MYO7B: variants seen among roughly 807,000 people sequenced by gnomAD.
MYO7B encodes the protein myosin VIIB.
A neutral mutation model predicts 259.7 loss-of-function variants in MYO7B; 212 were observed. The ratio of observed to expected loss-of-function variants is 0.82; its 90% CI spans 0.73 to 0.91. The LOEUF (loss-of-function observed/expected upper bound fraction) is 0.91, where lower values mean the gene tolerates loss of function less well. MYO7B is among the 40% of genes least tolerant of loss of function. The pLI, the probability that MYO7B is intolerant of heterozygous loss-of-function variation, is 0.00. For synonymous variants in MYO7B, 1,197 were observed against 1,166.4 expected, an observed-to-expected ratio of 1.03 and a Z score of -0.54; for missense variants, 2,732 against 2,813.5, an observed-to-expected ratio of 0.97 and a Z score of 0.66.
intron 2 of MYO7B, among the ~76,000 whole-genome samples, chr2:127,563,287 G>T (rs1250346656): frequency 6.6e-6 from 1 of 152,186 alleles, no homozygotes; most frequent in African/African-American, 2.4e-5. Context: ...TCCGAACACA[G>T]AACTGTGCTG....
At chr2:127,617,786 G>A (rs565398108) in intron 26 of MYO7B, among the ~76,000 whole-genome samples, 2 of 151,076 alleles carry the variant, frequency 1.3e-5, no homozygotes, top group South Asian at 2.1e-4. Context: ...ACAGGCGTGA[G>A]CCACCGCGCC....
In MYO7B at chr2:127,624,075, C is replaced by T; in HGVS notation, c.3820-18C>T. 2.6e-6 allele frequency: 4 copies of T among 1,544,892 alleles called. No individual in the cohort carries two copies. The Admixed American group carries it at 5.8e-5, about 23-fold the overall frequency. ...CATGCAACAGCCGCTAACCCCTGCT[C>T]CCCGACTCTGGCCTCAGTTCTGGTC... On this transcript the variant is annotated intron_variant, in intron 29 of 47. Coordinates refer to ENST00000409816, the MANE Select transcript of MYO7B (RefSeq NM_001393586.1).
intron 1 of MYO7B, among the ~76,000 whole-genome samples, chr2:127,536,070 G>A (rs1475679224): frequency 6.6e-6 from 1 of 152,150 alleles, no homozygotes; most frequent in African/African-American, 2.4e-5. Context: ...AAGCTGTCTA[G>A]CCCTCTGCTG....
At chr2:127,612,741 C>T in intron 26 of MYO7B, 138 bp downstream of exon 26, 3 of 1,328,280 alleles carry the variant, frequency 2.3e-6, no homozygotes, top group Non-Finnish European at 3.0e-6. Flanking sequence ...CTCAGGACAG[C>T]AGATGTCATA....
At chr2:127,591,804 C>T (rs1448855850) in intron 16 of MYO7B, among the ~76,000 whole-genome samples, 1 of 152,118 alleles carries the variant, frequency 6.6e-6, no homozygotes, top group African/African-American at 2.4e-5. Flanking sequence ...CCTGCTGAAG[C>T]CTGACACCCC....
In MYO7B at chr2:127,615,004, G is replaced by A. The variant is rs1680516814; in HGVS notation, c.3398+2401G>A. Reference sequence around the variant, plus strand: ...TTGCTCATTACCCACTCTGGGTCAGGCCCCAGCCTGAGGGCCAGGGACAGA... The same window carrying A: ...TTGCTCATTACCCACTCTGGGTCAGACCCCAGCCTGAGGGCCAGGGACAGA... On this transcript the variant is annotated intron_variant, in intron 26 of 47. Coordinates refer to ENST00000409816, the MANE Select transcript of MYO7B (RefSeq NM_001393586.1). This position sits in a 1 kb window ranked among gnomAD's most constrained non-coding sequence, Gnocchi z 4.4. Among the ~76,000 whole-genome samples the A allele has an allele frequency of 6.6e-6, 1 of 152,174 alleles. No individual in the cohort carries two copies. Among genetic ancestry groups the A allele is most frequent in the East Asian group, 1.9e-4 (1 of 5,184 alleles).
Position 127,566,784 on chromosome 2 carries a change from T to G in MYO7B, c.427T>G (p.Phe143Val), listed in dbSNP as rs373302024. 8.1e-5 allele frequency: 131 copies of G among 1,612,242 alleles called. No individual in the cohort carries two copies. Among genetic ancestry groups the G allele is most frequent in the Non-Finnish European group, 1.5e-5 (18 of 1,179,854 alleles). The change falls in exon 5 of 48, where the codon TTC becomes GTC. Residue 143 changes from phenylalanine (F) to valine (V), a missense_variant. Phe to Val is a conservative substitution (Grantham distance 50, BLOSUM62 -1). Around this residue, in one of 3 missense-constraint regions of MYO7B, gnomAD observed 1,906 missense variants for 2,026.4 expected, o/e 0.94. Transcript: ENST00000409816. Reference protein sequence around the residue: ...HVFAIANNCYFSMKRNKRDQC... With the variant: ...HVFAIANNCYVSMKRNKRDQC... ...CTTTGCCATCGCCAACAACTGCTAC[T>G]TCAGCATGAAGAGGAACAAGAGGGA... is the stretch of plus-strand genomic sequence containing the variant.
intron 12 of MYO7B, 120 bp downstream of exon 12, chr2:127,582,566 C>A: frequency 8.3e-7 from 1 of 1,209,746 alleles, no homozygotes; most frequent in Non-Finnish European, 1.2e-6. Flanking sequence ...GCGAGTCCCA[C>A]CAGATCCGTG....
At position 127,624,862 on chromosome 2, in the gene MYO7B, G is replaced by A. The variant is rs113586926; in HGVS notation, c.4048-506G>A. 6.5e-3 allele frequency among the ~76,000 whole-genome samples: 986 copies of A among 152,322 alleles called. 13 individuals carry two copies. The highest frequency in any genetic ancestry group is 0.022 in the African/African-American group (894 of 41,578). ...CACAACCCTCCCTGTGCCAAGTCAG[G>A]CAGATGCTGTTCCGGGACCCATTGG... On this transcript the variant is annotated intron_variant, in intron 30 of 47. Coordinates refer to ENST00000409816, the MANE Select transcript of MYO7B (RefSeq NM_001393586.1).
Position 127,544,248 on chromosome 2 carries a change from T to G in MYO7B, c.-24+8417T>G, listed in dbSNP as rs1023546423. 8.2e-4 allele frequency among the ~76,000 whole-genome samples: 125 copies of G among 152,144 alleles called. 1 individual carries two copies. The highest frequency in any genetic ancestry group is 3.4e-3 in the Middle Eastern group (1 of 294). On this transcript the variant is annotated intron_variant, in intron 1 of 47. Coordinates refer to ENST00000409816, the MANE Select transcript of MYO7B (RefSeq NM_001393586.1). ...CTCACCACCATGTCCAACTAATATCTCCTATATTTTTAAATAAAAATAACA... is the reference window on the plus strand; with the variant it reads ...CTCACCACCATGTCCAACTAATATCGCCTATATTTTTAAATAAAAATAACA...
chr2:127,568,240 C>T (rs559232031), intron 5 of MYO7B, among the ~76,000 whole-genome samples: 35 of 152,292 alleles, frequency 2.3e-4, no homozygotes, highest in African/African-American at 8.4e-4. Flanking sequence ...AGAGCTGGGC[C>T]GCAGGCTGGC....
At chr2:127,593,072 C>T (rs1679630488) in intron 17 of MYO7B, 126 bp downstream of exon 17, 2 of 1,225,380 alleles carry the variant, frequency 1.6e-6, no homozygotes, top group East Asian at 2.6e-5. Context: ...TGCGATGAGC[C>T]CTGTCCTTCC....
At chr2:127,573,402 A>G (rs1678728917) in intron 6 of MYO7B, among the ~76,000 whole-genome samples, 1 of 152,214 alleles carries the variant, frequency 6.6e-6, no homozygotes, top group Non-Finnish European at 1.5e-5. Flanking sequence ...CAGCTTTACA[A>G]AAAAGACTGA....
chr2:127,636,779 C>A lies in MYO7B; in HGVS notation c.6208-15C>A. 1 of 1,612,728 alleles carries A rather than the reference C, an allele frequency of 6.2e-7. No individual in the cohort carries two copies. Among genetic ancestry groups the A allele is most frequent in the Non-Finnish European group, 8.5e-7 (1 of 1,179,372 alleles). On this transcript the variant is annotated splice_polypyrimidine_tract_variant and intron_variant, in intron 46 of 47. Transcript: ENST00000409816. The surrounding 1 kb of genome is among the most constrained non-coding windows in gnomAD (Gnocchi z 4.5). ...CTCTGGAGGCGTCCGGCCCACCCAC[C>A]CTCTCTGCCCCCAGGACCTGCTCAC... is the stretch of plus-strand genomic sequence containing the variant.
chr2:127,634,417 T>A, intron 41 of MYO7B, 128 bp downstream of exon 41: 1 of 913,824 alleles, frequency 1.1e-6, no homozygotes, highest in Non-Finnish European at 1.7e-6. Context: ...CCAGGGCTGC[T>A]GGGACAGAGG....
rs200895755 is a variant in MYO7B at position 127,636,745 on chromosome 2, G to C, written c.6208-49G>C. On this transcript the variant is annotated intron_variant, in intron 46 of 47. Transcript: ENST00000409816. This position sits in a 1 kb window ranked among gnomAD's most constrained non-coding sequence, Gnocchi z 4.5. ...TCTCTCCTGTCCCCTAACACACACAGAGCCCGTGCTCTGGAGGCGTCCGGC... is the reference window on the plus strand; with the variant it reads ...TCTCTCCTGTCCCCTAACACACACACAGCCCGTGCTCTGGAGGCGTCCGGC... The C allele has an allele frequency of 5.6e-4, 909 of 1,612,344 alleles. 4 individuals carry two copies. Among genetic ancestry groups the C allele is most frequent in the South Asian group, 3.5e-3 (322 of 90,952 alleles).
At chr2:127,567,845 T>C (rs1678421372) in intron 5 of MYO7B, among the ~76,000 whole-genome samples, 2 of 152,052 alleles carry the variant, frequency 1.3e-5, no homozygotes, top group African/African-American at 4.8e-5. Context: ...CGTTTTTATG[T>C]AGGTCCTAAC....
At position 127,627,360 on chromosome 2, in the gene MYO7B, G is replaced by A; in HGVS notation, c.4460+50G>A. ...TTCTTACACACTGAGTCCTTGTGATGCATCTGGGGGCTCGGGGAGAGATGG... is the reference window on the plus strand; with the variant it reads ...TTCTTACACACTGAGTCCTTGTGATACATCTGGGGGCTCGGGGAGAGATGG... On this transcript the variant is annotated intron_variant, in intron 33 of 47. Coordinates refer to ENST00000409816, the MANE Select transcript of MYO7B (RefSeq NM_001393586.1). This position sits in a 1 kb window ranked among gnomAD's most constrained non-coding sequence, Gnocchi z 5.6. 1.3e-6 allele frequency: 2 copies of A among 1,592,846 alleles called. No homozygotes were observed. The highest frequency in any genetic ancestry group is 1.1e-5 in the South Asian group (1 of 89,364).
rs1448665235 is a variant in MYO7B, at chr2:127,577,540, C to T, written c.850-593C>T. On this transcript the variant is annotated intron_variant, in intron 8 of 47. Coordinates refer to ENST00000409816, the MANE Select transcript of MYO7B (RefSeq NM_001393586.1). This position sits in a 1 kb window ranked among gnomAD's most constrained non-coding sequence, Gnocchi z 5.2. ...TGCCGACCTCTCCCTTCTCAACACC[C>T]ACCCCAGCCTCCCCGCAGCCCTGTC... Among the ~76,000 whole-genome samples, 2 of 151,958 alleles carry T rather than the reference C, an allele frequency of 1.3e-5. No individual in the cohort carries two copies. Among genetic ancestry groups the T allele is most frequent in the East Asian group, 1.9e-4 (1 of 5,166 alleles).
Sources: gnomAD v4.1 joint callset for allele counts (sites outside exome capture counted in the v4.1 genomes callset) on GRCh38, gnomAD v4.1.1 for gene constraint, gnomAD v4.1.1 regional missense constraint, Gnocchi (gnomAD v3.1) non-coding constraint, MANE v1.5 for transcripts, NCBI Gene and HGNC (gene_info 2026-07-23, HGNC 2026-07-21) for gene names.